The following USP13 variants were observed in gnomAD, a reference collection of about 807,000 sequenced individuals.
The protein encoded by USP13 is ubiquitin specific peptidase 13, also known as ubiquitin carboxyl-terminal hydrolase 13.
USP13 carries 68 observed loss-of-function variants against 107.8 expected under a neutral mutation model. The ratio of observed to expected loss-of-function variants is 0.63; its 90% CI spans 0.52 to 0.77. USP13 has a LOEUF of 0.77. Ranked by LOEUF, USP13 falls within the 30% of genes least tolerant of loss-of-function variation. The pLI is 0.00. For synonymous variants in USP13, 377 were observed against 389.5 expected, an observed-to-expected ratio of 0.97 and a Z score of 0.38; for missense variants, 945 against 1,093.3, an observed-to-expected ratio of 0.86 and a Z score of 1.91.
chr3:179,774,832 G>A (rs1214785735), intron 19 of USP13, among the ~76,000 whole-genome samples: 2 of 152,190 alleles, frequency 1.3e-5, no homozygotes, highest in Non-Finnish European at 2.9e-5. Context: ...ACAGAGAGCT[G>A]ATTGGTCCAT....
In USP13 at chr3:179,702,939, T is replaced by TA. The variant is rs1712587091; in HGVS notation, c.477+1813dup. 2.0e-5 allele frequency among the ~76,000 whole-genome samples: 3 copies of TA among 152,358 alleles called. No homozygotes were observed. In the South Asian group the frequency reaches 6.2e-4, roughly 32 times the overall value. ...GAAACATTGTGAATAAATGTTATGA[T>TA]AAATTATTTTCCTTTCAGCCCCTCA... On this transcript the variant is annotated intron_variant, in intron 4 of 20. Transcript: ENST00000263966.
intron 1 of USP13, among the ~76,000 whole-genome samples, chr3:179,662,142 C>T (rs752440764): frequency 1.3e-5 from 2 of 152,174 alleles, no homozygotes; most frequent in Admixed American, 6.5e-5. Flanking sequence ...CAAATCTGGA[C>T]TGATACACAT....
chr3:179,667,999 C>G (rs150932198), intron 1 of USP13, among the ~76,000 whole-genome samples: 10 of 152,146 alleles, frequency 6.6e-5, no homozygotes, highest in African/African-American at 2.4e-4. Flanking sequence ...CTCAGTAGAA[C>G]AGTAAGTTTA....
At position 179,709,687 on chromosome 3, in the gene USP13, G is replaced by A. The variant is rs1192766809; in HGVS notation, c.805+730G>A. Among the ~76,000 whole-genome samples, 546 of 152,260 alleles carry A rather than the reference G, an allele frequency of 3.6e-3. 3 individuals are homozygous for A. The highest frequency in any genetic ancestry group is 6.2e-3 in the Non-Finnish European group (422 of 68,020). On this transcript the variant is annotated intron_variant, in intron 6 of 20. Transcript: ENST00000263966. ...ATGAGAAACTTAAATATTGAGCAGTGGCTATGAGAACCCATCATCTAATCA... is the reference window on the plus strand; with the variant it reads ...ATGAGAAACTTAAATATTGAGCAGTAGCTATGAGAACCCATCATCTAATCA...
rs756412121 is a variant in USP13, at chr3:179,678,699, A to G, written c.169-3179A>G. ...GGTCTTGAACTCCTGGGCTCAAACA[A>G]TCTGCCTGCCTCAGCCTCCCAAAAT... On this transcript the variant is annotated intron_variant, in intron 1 of 20. Coordinates refer to ENST00000263966, the MANE Select transcript of USP13 (RefSeq NM_003940.3). This position sits in a 1 kb window ranked among gnomAD's most constrained non-coding sequence, Gnocchi z 4.2. Among the ~76,000 whole-genome samples the G allele has an allele frequency of 6.6e-6, 1 of 152,188 alleles. No homozygotes were observed. Among genetic ancestry groups the G allele is most frequent in the Non-Finnish European group, 1.5e-5 (1 of 68,030 alleles).
intron 1 of USP13, among the ~76,000 whole-genome samples, chr3:179,656,769 G>A (rs909537050): frequency 3.2e-4 from 49 of 152,132 alleles, no homozygotes; most frequent in African/African-American, 1.1e-3. Context: ...CTAACCCCCA[G>A]TGACATGTTC....
At chr3:179,779,617 A>C (rs1715671814) in intron 19 of USP13, among the ~76,000 whole-genome samples, 1 of 151,822 alleles carries the variant, frequency 6.6e-6, no homozygotes, top group Non-Finnish European at 1.5e-5. Flanking sequence ...CTGGCACTAA[A>C]CCGTTGGTAG....
intron 14 of USP13, among the ~76,000 whole-genome samples, chr3:179,753,445 T>A (rs1262040607): frequency 2.0e-5 from 3 of 152,240 alleles, no homozygotes; most frequent in Non-Finnish European, 4.4e-5. Flanking sequence ...GAAAAAACTT[T>A]CTGGCTCTGA....
intron 5 of USP13, among the ~76,000 whole-genome samples, chr3:179,707,425 G>A (rs759320701): frequency 2.6e-5 from 4 of 152,122 alleles, no homozygotes; most frequent in African/African-American, 4.8e-5. Context: ...GCCCTAAACC[G>A]GTGACTGTGG....
At chr3:179,656,700 T>C (rs1476527719) in intron 1 of USP13, among the ~76,000 whole-genome samples, 1 of 152,214 alleles carries the variant, frequency 6.6e-6, no homozygotes, top group East Asian at 1.9e-4. Flanking sequence ...ATTCAAGTGG[T>C]TCTTGCTCTA....
chr3:179,728,386 C>T lies in USP13; in HGVS notation c.1089-1803C>T, dbSNP rs1243595078. 6.7e-5 allele frequency among the ~76,000 whole-genome samples: 10 copies of T among 148,370 alleles called. No homozygotes were observed. In the East Asian group the frequency reaches 8.3e-4, roughly 12 times the overall value. On this transcript the variant is annotated intron_variant, in intron 8 of 20. Coordinates refer to ENST00000263966, the MANE Select transcript of USP13 (RefSeq NM_003940.3). ...TGCTCCCCACATCTCAGACGATGGG[C>T]GGCCGGGCAGAGACGCTCCTCACTT...
chr3:179,728,049 C>T lies in USP13; in HGVS notation c.1089-2140C>T, dbSNP rs1260397191. 9.0e-5 allele frequency among the ~76,000 whole-genome samples: 6 copies of T among 66,946 alleles called. 3 individuals are homozygous for T. Among genetic ancestry groups the T allele is most frequent in the Admixed American group, 7.2e-4 (4 of 5,588 alleles). 43.9% of individuals were successfully genotyped at this position (66,946 alleles called of 152,430 possible). ...TGATCCCCACCACCTCCCTCCCGGA[C>T]GGGGCGGCTGGCCGGGCGGGGGGCT... On this transcript the variant is annotated intron_variant, in intron 8 of 20. Transcript: ENST00000263966.
At position 179,733,722 on chromosome 3, in the gene USP13, T is replaced by C. The variant is rs7629915; in HGVS notation, c.1254+3013T>C. 1.6e-3 allele frequency among the ~76,000 whole-genome samples: 246 copies of C among 152,342 alleles called. 1 individual carries two copies. Among genetic ancestry groups the C allele is most frequent in the African/African-American group, 5.6e-3 (234 of 41,580 alleles). ...GCATGAAGGATGGGTCAGAGCCATG[T>C]GGCAGAAACGCCTTTTTACGGGGCC... On this transcript the variant is annotated intron_variant, in intron 10 of 20. Transcript: ENST00000263966.
At chr3:179,704,696 G>A (rs549989576) in intron 4 of USP13, among the ~76,000 whole-genome samples, 1 of 152,290 alleles carries the variant, frequency 6.6e-6, no homozygotes, top group South Asian at 2.1e-4. Context: ...GGAAGGTGAT[G>A]GGGGATGAGT....
chr3:179,729,830 C>T lies in USP13; in HGVS notation c.1089-359C>T, dbSNP rs142341263. Among the ~76,000 whole-genome samples the T allele has an allele frequency of 1.1e-3, 172 of 152,318 alleles. 1 individual carries two copies. The highest frequency in any genetic ancestry group is 4.0e-3 in the African/African-American group (168 of 41,568). On this transcript the variant is annotated intron_variant, in intron 8 of 20. Coordinates refer to ENST00000263966, the MANE Select transcript of USP13 (RefSeq NM_003940.3). ...TGATGGCTTAGCCAGTGGTTCTTAA[C>T]TCTGGTTGCGTGTTAGAATCACTCA...
At chr3:179,666,898 C>T (rs1269249078) in intron 1 of USP13, among the ~76,000 whole-genome samples, 1 of 152,244 alleles carries the variant, frequency 6.6e-6, no homozygotes, top group African/African-American at 2.4e-5. Flanking sequence ...TCAAATCCAC[C>T]TCCACTTACT....
chr3:179,758,205 A>G (rs1216376895), intron 16 of USP13, among the ~76,000 whole-genome samples: 1 of 152,076 alleles, frequency 6.6e-6, no homozygotes, highest in Non-Finnish European at 1.5e-5. Context: ...AACTAGGGCT[A>G]GGAGTTACCT....
intron 8 of USP13, among the ~76,000 whole-genome samples, chr3:179,728,012 C>T (rs1431358476): frequency 7.5e-4 from 43 of 57,270 alleles, no homozygotes; most frequent in African/African-American, 2.3e-3. Context: ...GGCGGCTGGC[C>T]AGGTGGGGGG....
chr3:179,731,261 A>G (rs1478951364), intron 10 of USP13, among the ~76,000 whole-genome samples: 1 of 152,144 alleles, frequency 6.6e-6, no homozygotes, highest in Admixed American at 6.5e-5. Context: ...AAATACAAAA[A>G]TTAGCTGGGC....
Sources: gnomAD v4.1 joint callset for allele counts (sites outside exome capture counted in the v4.1 genomes callset) on GRCh38, gnomAD v4.1.1 for gene constraint, Gnocchi (gnomAD v3.1) non-coding constraint, MANE v1.5 for transcripts, NCBI Gene and HGNC (gene_info 2026-07-23, HGNC 2026-07-21) for gene names.